The following SLC24A4 variants were observed in gnomAD, a reference collection of about 807,000 sequenced individuals.
SLC24A4 encodes sodium/potassium/calcium exchanger 4.
In SLC24A4, 53 loss-of-function variants were observed where a neutral mutation model predicts 79.0. That is an observed-to-expected ratio of 0.67 (90% CI 0.54 to 0.84). The LOEUF (loss-of-function observed/expected upper bound fraction) is 0.84, where lower values mean the gene tolerates loss of function less well. Among genes scored for constraint, SLC24A4 ranks in the 40% least tolerant of loss-of-function variants. The pLI, the probability that SLC24A4 is intolerant of heterozygous loss-of-function variation, is 0.00. For missense variants in SLC24A4, 731 were observed against 822.0 expected (o/e 0.89, Z 1.35); for synonymous variants, 323 against 323.8 (o/e 1.00, Z 0.03).
At chr14:92,432,293 A>T (rs1423750667) in intron 2 of SLC24A4, among the ~76,000 whole-genome samples, 1 of 152,218 alleles carries the variant, frequency 6.6e-6, no homozygotes, top group Non-Finnish European at 1.5e-5. Context: ...AGGTCAGGTG[A>T]TATGTCCCCA....
At chr14:92,402,523 G>A (rs1890167265) in intron 2 of SLC24A4, among the ~76,000 whole-genome samples, 1 of 152,112 alleles carries the variant, frequency 6.6e-6, no homozygotes, top group Non-Finnish European at 1.5e-5. Flanking sequence ...TTGGAGATGA[G>A]TTAGAGTAAC....
chr14:92,445,265 T>C, intron 7 of SLC24A4, 52 bp from the exon 8 acceptor site: 1 of 1,609,688 alleles, frequency 6.2e-7, no homozygotes, highest in South Asian at 1.1e-5. Flanking sequence ...TTGTTCTTGT[T>C]TGGAAATAAA....
intron 2 of SLC24A4, among the ~76,000 whole-genome samples, chr14:92,349,321 G>A (rs1331869643): frequency 6.6e-6 from 1 of 152,024 alleles, no homozygotes; most frequent in Non-Finnish European, 1.5e-5. Context: ...CACCACACCC[G>A]GGTAATTTTT....
intron 2 of SLC24A4, among the ~76,000 whole-genome samples, chr14:92,373,290 C>T (rs111355854): frequency 9.9e-5 from 15 of 152,200 alleles, no homozygotes; most frequent in East Asian, 3.9e-4. Flanking sequence ...GTGATCCACC[C>T]GCCTCAGCCT....
intron 2 of SLC24A4, among the ~76,000 whole-genome samples, chr14:92,390,208 C>T (rs1350548154): frequency 1.3e-5 from 2 of 152,036 alleles, no homozygotes; most frequent in African/African-American, 2.4e-5. Context: ...CTGGTGTCTC[C>T]CCGCCAGGGC....
intron 2 of SLC24A4, among the ~76,000 whole-genome samples, chr14:92,338,883 T>C (rs1024582860): frequency 6.6e-6 from 1 of 152,238 alleles, no homozygotes; most frequent in Admixed American, 6.5e-5. Flanking sequence ...GCAGGGACTA[T>C]GTCCTCTTTG....
At chr14:92,391,633 T>C (rs1359895239) in intron 2 of SLC24A4, among the ~76,000 whole-genome samples, 1 of 152,214 alleles carries the variant, frequency 6.6e-6, no homozygotes, top group Non-Finnish European at 1.5e-5. Flanking sequence ...CACTCCCCCA[T>C]TGAGTCCCTG....
intron 14 of SLC24A4, among the ~76,000 whole-genome samples, chr14:92,491,099 C>A (rs1050530657): frequency 2.6e-5 from 4 of 152,184 alleles, no homozygotes; most frequent in Admixed American, 2.6e-4. Flanking sequence ...GAGCTGAACA[C>A]CACCATCTTT....
chr14:92,406,047 T>C (rs904200931), intron 2 of SLC24A4, among the ~76,000 whole-genome samples: 1 of 152,090 alleles, frequency 6.6e-6, no homozygotes, highest in African/African-American at 2.4e-5. Context: ...ACAGTGGGGG[T>C]ACAGCCATTG....
intron 14 of SLC24A4, 119 bp downstream of exon 14, chr14:92,486,899 T>C: frequency 1.6e-6 from 1 of 642,276 alleles, no homozygotes; most frequent in South Asian, 2.0e-5. Context: ...CAAGTCCTGC[T>C]GTGGAGAAAA....
Position 92,458,228 on chromosome 14 carries a change from ACCT to A in SLC24A4, c.1255+1623_1255+1625del, listed in dbSNP as rs202170874. Among the ~76,000 whole-genome samples the A allele has an allele frequency of 6.2e-3, 947 of 152,110 alleles. 11 individuals carry two copies. The highest frequency in any genetic ancestry group is 0.041 in the South Asian group (199 of 4,822). Reference sequence around the variant, plus strand: ...GCTGGGTTCAGAATTGCTGGCCAACACCTCCCAGGCTTTCTTCACATTAAGAGC... The same window carrying A: ...GCTGGGTTCAGAATTGCTGGCCAACACCCAGGCTTTCTTCACATTAAGAGC... On this transcript the variant is annotated intron_variant, in intron 12 of 16. Coordinates refer to ENST00000532405, the MANE Select transcript of SLC24A4 (RefSeq NM_153646.4).
intron 13 of SLC24A4, chr14:92,484,998 G>C (rs1036657234): frequency 3.2e-5 from 22 of 683,680 alleles, no homozygotes; most frequent in Middle Eastern, 7.6e-4. Flanking sequence ...TCTTGTTCAA[G>C]CATTGTGATT....
At chr14:92,329,555 C>T (rs1266528994) in intron 2 of SLC24A4, among the ~76,000 whole-genome samples, 2 of 152,178 alleles carry the variant, frequency 1.3e-5, no homozygotes, top group African/African-American at 4.8e-5. Context: ...TGTTTTGTCA[C>T]TCTGTCACCC....
At chr14:92,461,770 A>G (rs1342881306) in intron 12 of SLC24A4, among the ~76,000 whole-genome samples, 1 of 152,240 alleles carries the variant, frequency 6.6e-6, no homozygotes, top group Non-Finnish European at 1.5e-5. Flanking sequence ...TCTGTGCCCC[A>G]TGCCCTTTTC....
At chr14:92,427,950 A>T (rs190886744) in intron 2 of SLC24A4, among the ~76,000 whole-genome samples, 31 of 152,306 alleles carry the variant, frequency 2.0e-4, no homozygotes, top group Middle Eastern at 6.8e-3. Flanking sequence ...CTGTGTGAGG[A>T]TGCAGAGATA....
At position 92,456,504 on chromosome 14, in the gene SLC24A4, C is replaced by G. The variant is rs769319228; in HGVS notation, c.1151C>G (p.Pro384Arg). Residue 384 changes from proline (P) to arginine (R), a missense_variant, in exon 12 of 17, where the codon CCC becomes CGC. Physicochemically the swap from Pro to Arg is moderately radical, Grantham distance 103 (BLOSUM62 -2). Transcript: ENST00000532405. ...IENGNVPVENPEDPQQNQEQQ... is the reference protein window; with the variant it reads ...IENGNVPVENREDPQQNQEQQ... ...AACGGGAATGTTCCTGTGGAAAACC[C>G]CGAAGACCCTCAGCAGAATCAGGAG... 1.2e-6 allele frequency: 2 copies of G among 1,614,162 alleles called. No individual in the cohort carries two copies. The highest frequency in any genetic ancestry group is 8.5e-7 in the Non-Finnish European group (1 of 1,180,032).
intron 2 of SLC24A4, among the ~76,000 whole-genome samples, chr14:92,369,068 C>A (rs538502950): frequency 1.3e-5 from 2 of 152,310 alleles, no homozygotes; most frequent in South Asian, 4.1e-4. Context: ...CCTGAAACAG[C>A]CTGATCACCC....
chr14:92,434,088 T>C, intron 3 of SLC24A4, 100 bp downstream of exon 3: 1 of 933,576 alleles, frequency 1.1e-6, no homozygotes, highest in Non-Finnish European at 1.8e-6. Context: ...TTTATTCTTG[T>C]AACAGCCCAG....
At chr14:92,400,437 CAAA>C (rs35343108) in intron 2 of SLC24A4, among the ~76,000 whole-genome samples, 23 of 79,460 alleles carry the variant, frequency 2.9e-4, no homozygotes, top group East Asian at 2.1e-3. Context: ...GACTCCATCT[CAAA>C]AAAAAAAAAA....
Sources: allele counts gnomAD v4.1 joint callset (sites outside exome capture counted in the v4.1 genomes callset), GRCh38; gene constraint gnomAD v4.1.1; transcripts MANE v1.5; gene names NCBI Gene and HGNC (gene_info 2026-07-23, HGNC 2026-07-21).